HNF1B: variants seen among roughly 807,000 people sequenced by gnomAD.
The protein encoded by HNF1B is HNF1 homeobox B.
A neutral mutation model predicts 61.7 loss-of-function variants in HNF1B; 8 were observed. The observed-to-expected ratio is 0.13, with a 90% CI of 0.08 to 0.23. HNF1B has a LOEUF of 0.23. HNF1B is among the 10% of genes least tolerant of loss of function. The probability of loss-of-function intolerance (pLI) is 1.00; values close to 1 mark genes in which losing one functional copy is unlikely to be tolerated. For synonymous variants in HNF1B, 314 were observed against 287.7 expected (o/e 1.09, Z -0.93); for missense variants, 562 against 714.5 (o/e 0.79, Z 2.43).
At chr17:37,736,234 C>G (rs1243953758) in intron 2 of HNF1B, among the ~76,000 whole-genome samples, 4 of 152,208 alleles carry the variant, frequency 2.6e-5, no homozygotes, top group Admixed American at 2.6e-4. Flanking sequence ...CTGTGTGGCA[C>G]CAGTAGAGTC....
At chr17:37,723,630 T>A (rs1002633580) in intron 4 of HNF1B, among the ~76,000 whole-genome samples, 1 of 152,166 alleles carries the variant, frequency 6.6e-6, no homozygotes, top group African/African-American at 2.4e-5. Context: ...CAAGCCAGCC[T>A]AAGTTTGCTG....
In HNF1B at chr17:37,705,295, T is replaced by TCC. The variant is rs10701156; in HGVS notation, c.1207-247_1207-246insGG. Among the ~76,000 whole-genome samples, 52,448 of 151,864 alleles carry TCC rather than the reference T, an allele frequency of 0.35. 9,594 individuals are homozygous for TCC. Among genetic ancestry groups the TCC allele is most frequent in the African/African-American group, 0.48 (19,734 of 41,374 alleles). ...GACCAGCCTGGGCAACATGGTGAAA[T>TCC]CATCTCTACAAAAAAAGAAAAAAAC... On this transcript the variant is annotated intron_variant, in intron 5 of 8. Coordinates refer to ENST00000617811, the MANE Select transcript of HNF1B (RefSeq NM_000458.4).
At chr17:37,738,386 A>C (rs1039599534) in intron 2 of HNF1B, among the ~76,000 whole-genome samples, 1 of 152,216 alleles carries the variant, frequency 6.6e-6, no homozygotes, top group Non-Finnish European at 1.5e-5. Flanking sequence ...TGAAACAATC[A>C]CTTCAGAGCA....
intron 5 of HNF1B, among the ~76,000 whole-genome samples, chr17:37,706,541 A>C (rs1222945591): frequency 6.6e-6 from 1 of 152,118 alleles, no homozygotes; most frequent in Non-Finnish European, 1.5e-5. Flanking sequence ...GCAAAAACCA[A>C]ACAGGTTTGT....
Position 37,716,561 on chromosome 17 carries a change from A to G in HNF1B, c.1046-5898T>C, listed in dbSNP as rs181676769. 1.3e-5 allele frequency among the ~76,000 whole-genome samples: 2 copies of G among 152,308 alleles called. 1 individual carries two copies. The highest frequency in any genetic ancestry group is 3.9e-4 in the East Asian group (2 of 5,180). On this transcript the variant is annotated intron_variant, in intron 4 of 8. Transcript: ENST00000617811. ...CCCTGTGGTTCTTATCACATGGCTT[A>G]GCAAACTCTGGTGATTTTTAGGCTG...
intron 4 of HNF1B, chr17:37,720,976 C>A (rs993768970): frequency 1.4e-4 from 142 of 983,312 alleles, no homozygotes; most frequent in Non-Finnish European, 1.7e-4. Context: ...TTGTGCCCAT[C>A]GTGCAAACTG....
intron 6 of HNF1B, among the ~76,000 whole-genome samples, chr17:37,704,178 C>T (rs1286702092): frequency 6.6e-6 from 1 of 152,250 alleles, no homozygotes; most frequent in East Asian, 1.9e-4. Flanking sequence ...TCCACAACCA[C>T]AGTTCCCTTC....
At chr17:37,694,167 C>T (rs915882052) in intron 8 of HNF1B, among the ~76,000 whole-genome samples, 16 of 152,154 alleles carry the variant, frequency 1.1e-4, no homozygotes, top group African/African-American at 3.4e-4. Context: ...GTGGCTCACG[C>T]CTGTAATCCC....
chr17:37,704,956 T>G lies in HNF1B; in HGVS notation c.1300A>C (p.Ile434Leu), dbSNP rs774350273. Residue 434 changes from isoleucine (I) to leucine (L), a missense_variant, in exon 6 of 9, where the codon ATC becomes CTC. Physicochemically the swap from Ile to Leu is conservative, Grantham distance 5. Around this residue, in one of 6 missense-constraint regions of HNF1B, gnomAD observed 211 missense variants for 200.7 expected, o/e 1.05. Coordinates refer to ENST00000617811, the MANE Select transcript of HNF1B (RefSeq NM_000458.4). ...ATGACTCCAGAGAGGGGTGTCATGA[T>G]GAGGTTTTGAGATTGCTGGGGATTA... is the stretch of plus-strand genomic sequence containing the variant. Reference protein sequence around the residue: ...HHNPQQSQNLIMTPLSGVMAI... With the variant: ...HHNPQQSQNLLMTPLSGVMAI... 6.2e-7 allele frequency: 1 copy of G among 1,614,154 alleles called. No individual in the cohort carries two copies. Among genetic ancestry groups the G allele is most frequent in the East Asian group, 2.2e-5 (1 of 44,886 alleles).
At chr17:37,700,952 G>C in intron 7 of HNF1B, 31 bp downstream of exon 7, 1 of 1,544,770 alleles carries the variant, frequency 6.5e-7, no homozygotes, top group Non-Finnish European at 8.7e-7. Flanking sequence ...GGTCCTGAGT[G>C]CTCCCTCCCT....
chr17:37,732,337 G>T (rs995356548), intron 3 of HNF1B, among the ~76,000 whole-genome samples: 1 of 152,174 alleles, frequency 6.6e-6, no homozygotes, highest in South Asian at 2.1e-4. Flanking sequence ...TACAAAGCAG[G>T]GTGCATTGAG....
chr17:37,732,824 C>G (rs1251963447), intron 3 of HNF1B, among the ~76,000 whole-genome samples: 1 of 150,536 alleles, frequency 6.6e-6, no homozygotes. Context: ...CTTAAAATAA[C>G]ACAGAGTTGT....
At chr17:37,709,024 T>C (rs1475105813) in intron 5 of HNF1B, among the ~76,000 whole-genome samples, 2 of 152,026 alleles carry the variant, frequency 1.3e-5, no homozygotes, top group African/African-American at 2.4e-5. Context: ...TGGCCCCCAC[T>C]CTGGGAATGT....
intron 4 of HNF1B, among the ~76,000 whole-genome samples, chr17:37,725,020 T>C (rs1314904019): frequency 6.6e-6 from 1 of 152,076 alleles, no homozygotes; most frequent in African/African-American, 2.4e-5. Context: ...AAAAAATAGG[T>C]AGAGGCATAA....
chr17:37,732,379 G>A (rs559252842), intron 3 of HNF1B, among the ~76,000 whole-genome samples: 4 of 152,326 alleles, frequency 2.6e-5, no homozygotes, highest in African/African-American at 9.6e-5. Flanking sequence ...CAGGGCTGGT[G>A]AAACCTCAAA....
chr17:37,722,738 C>T (rs562380661), intron 4 of HNF1B, among the ~76,000 whole-genome samples: 1 of 152,112 alleles, frequency 6.6e-6, no homozygotes, highest in Non-Finnish European at 1.5e-5. Flanking sequence ...TGTGCTATTG[C>T]GGAGGCTGCT....
At chr17:37,711,286 G>C (rs2032928119) in intron 4 of HNF1B, among the ~76,000 whole-genome samples, 1 of 152,198 alleles carries the variant, frequency 6.6e-6, no homozygotes, top group Non-Finnish European at 1.5e-5. Context: ...CTAGGAGCTA[G>C]GCTGTAGAAC....
chr17:37,701,010 C>G lies in HNF1B; in HGVS notation c.1507G>C (p.Ala503Pro), dbSNP rs1005005567. ...TGTGAGTTCTGCAGCTGAGTCACAG[C>G]TGCCATGAAGGGCTGCTGGGCCATG... ...SHMAQQPFMA[A>P]VTQLQNSHMY... is the part of the protein sequence containing the mutation. Residue 503 changes from alanine (A) to proline (P), a missense_variant, in exon 7 of 9, where the codon GCT becomes CCT. Ala to Pro is a conservative substitution (Grantham distance 27). Coordinates refer to ENST00000617811, the MANE Select transcript of HNF1B (RefSeq NM_000458.4). 6.4e-7 allele frequency: 1 copy of G among 1,557,930 alleles called. No individual in the cohort carries two copies. Among genetic ancestry groups the G allele is most frequent in the African/African-American group, 1.4e-5 (1 of 73,602 alleles).
rs753845530 is a variant in HNF1B at position 37,744,534 on chromosome 17, C to T, written c.344+7G>A. The T allele has an allele frequency of 6.2e-7, 1 of 1,601,020 alleles. No homozygotes were observed. Among genetic ancestry groups the T allele is most frequent in the African/African-American group, 1.3e-5 (1 of 75,044 alleles). On this transcript the variant is annotated splice_region_variant and intron_variant, in intron 1 of 8. Coordinates refer to ENST00000617811, the MANE Select transcript of HNF1B (RefSeq NM_000458.4). ...GGTGGGTCCCCTCCACCTCGCTCTG[C>T]GCCTACCTGAGCATCCGGTCCACCT... is the stretch of plus-strand genomic sequence containing the variant.
Sources: gnomAD v4.1 joint callset for allele counts (sites outside exome capture counted in the v4.1 genomes callset) on GRCh38, gnomAD v4.1.1 for gene constraint, gnomAD v4.1.1 regional missense constraint, MANE v1.5 for transcripts, NCBI Gene and HGNC (gene_info 2026-07-23, HGNC 2026-07-21) for gene names.